DEPDC5: variants seen among roughly 807,000 people sequenced by gnomAD.
DEPDC5 encodes the protein DEP domain containing 5, GATOR1 subcomplex subunit.
DEPDC5 carries 73 observed loss-of-function variants against 217.3 expected under a neutral mutation model. The observed-to-expected ratio is 0.34, with a 90% confidence interval of 0.28 to 0.41. DEPDC5 has a LOEUF of 0.41. DEPDC5 is among the 10% of genes least tolerant of loss of function. The probability of loss-of-function intolerance (pLI) is 1.00; values close to 1 mark genes in which losing one functional copy is unlikely to be tolerated. For synonymous variants in DEPDC5, 733 were observed against 756.7 expected (o/e 0.97, Z 0.51); for missense variants, 1,675 against 2,070.1 (o/e 0.81, Z 3.70).
intron 7 of DEPDC5, among the ~76,000 whole-genome samples, chr22:31,770,923 C>T (rs1260062887): frequency 1.3e-5 from 2 of 151,662 alleles, no homozygotes; most frequent in East Asian, 1.9e-4. Flanking sequence ...TCCTGAACTA[C>T]AGGCACGTGC....
intron 7 of DEPDC5, among the ~76,000 whole-genome samples, chr22:31,774,262 C>T (rs1439623113): frequency 4.0e-5 from 6 of 149,210 alleles, no homozygotes; most frequent in Non-Finnish European, 8.9e-5. Context: ...AGTGCAGTGG[C>T]GTGATCTTGG....
intron 38 of DEPDC5, among the ~76,000 whole-genome samples, chr22:31,881,014 CAA>C (rs753086072): frequency 7.2e-5 from 8 of 110,976 alleles, no homozygotes; most frequent in Non-Finnish European, 1.1e-4. Context: ...GACTCCGTCT[CAA>C]AAAAAAAAAA....
At chr22:31,870,817 G>T in intron 34 of DEPDC5, 73 bp downstream of exon 34, 1 of 1,417,214 alleles carries the variant, frequency 7.1e-7, no homozygotes, top group South Asian at 1.7e-5. Flanking sequence ...TGCAGAGGCT[G>T]AAGTCCAAAG....
intron 27 of DEPDC5, among the ~76,000 whole-genome samples, chr22:31,840,844 A>C (rs1228271377): frequency 6.6e-6 from 1 of 152,266 alleles, no homozygotes; most frequent in African/African-American, 2.4e-5. Context: ...AGCAGGGAAC[A>C]GAACAGCATC....
intron 7 of DEPDC5, among the ~76,000 whole-genome samples, chr22:31,773,463 A>G (rs899397098): frequency 6.6e-6 from 1 of 152,120 alleles, no homozygotes; most frequent in Non-Finnish European, 1.5e-5. Context: ...TCAGCCCCCT[A>G]GAGTGCTGGG....
chr22:31,806,871 G>A (rs1453295081), intron 18 of DEPDC5, among the ~76,000 whole-genome samples: 1 of 152,130 alleles, frequency 6.6e-6, no homozygotes, highest in East Asian at 1.9e-4. Context: ...AATTAGCCAG[G>A]TGTATTGGCA....
At chr22:31,874,203 A>G in intron 35 of DEPDC5, 70 bp from the exon 36 acceptor site, 2 of 1,553,034 alleles carry the variant, frequency 1.3e-6, no homozygotes, top group African/African-American at 1.4e-5. Context: ...CTTCTTTTTC[A>G]TCTTTCCTTC....
At chr22:31,784,743 G>A in intron 9 of DEPDC5, 71 bp from the exon 10 acceptor site, 1 of 1,449,430 alleles carries the variant, frequency 6.9e-7, no homozygotes, top group South Asian at 1.2e-5. Context: ...GAAGAAATTA[G>A]AGAAGAAATT....
intron 22 of DEPDC5, among the ~76,000 whole-genome samples, chr22:31,821,064 T>C (rs2089648469): frequency 6.6e-6 from 1 of 152,252 alleles, no homozygotes; most frequent in South Asian, 2.1e-4. Context: ...TGTAATTTGT[T>C]TCCTACTCTG....
At chr22:31,904,197 G>T (rs1321476716) in intron 41 of DEPDC5, among the ~76,000 whole-genome samples, 1 of 151,964 alleles carries the variant, frequency 6.6e-6, no homozygotes, top group East Asian at 1.9e-4. Flanking sequence ...CCCCTAGGCT[G>T]TGACCTACAG....
At chr22:31,850,701 C>T (rs2091977505) in intron 31 of DEPDC5, among the ~76,000 whole-genome samples, 1 of 152,070 alleles carries the variant, frequency 6.6e-6, no homozygotes, top group East Asian at 1.9e-4. Context: ...GGCTTGAGCT[C>T]AGGAGTTCGA....
At chr22:31,865,020 T>A (rs2092648047) in intron 33 of DEPDC5, among the ~76,000 whole-genome samples, 1 of 141,146 alleles carries the variant, frequency 7.1e-6, no homozygotes, top group Non-Finnish European at 1.5e-5. Context: ...GAGACGGGGT[T>A]TTGCTATGTT....
At chr22:31,803,024 C>A (rs141474645) in intron 15 of DEPDC5, among the ~76,000 whole-genome samples, 186 bp downstream of exon 15, 28 of 152,222 alleles carry the variant, frequency 1.8e-4, no homozygotes, top group African/African-American at 4.3e-4. Flanking sequence ...TTGGGAAATG[C>A]TGGGTCATGC....
intron 3 of DEPDC5, among the ~76,000 whole-genome samples, chr22:31,759,988 C>G (rs1211788523): frequency 6.7e-6 from 1 of 150,370 alleles, no homozygotes; most frequent in Non-Finnish European, 1.5e-5. Flanking sequence ...CAGCCTCTTT[C>G]TGGTTTTAAA....
chr22:31,893,898 A>G, intron 39 of DEPDC5, 147 bp downstream of exon 39: 1 of 955,582 alleles, frequency 1.0e-6, no homozygotes, highest in Non-Finnish European at 1.4e-6. Flanking sequence ...TTTTTAAAAA[A>G]TTTAAACATA....
chr22:31,873,090 T>C, intron 34 of DEPDC5, 165 bp from the exon 35 acceptor site: 2 of 1,309,170 alleles, frequency 1.5e-6, no homozygotes, highest in Non-Finnish European at 2.1e-6. Context: ...AAACCCCCTA[T>C]GAGATAACCC....
chr22:31,836,822 C>T, intron 25 of DEPDC5, 150 bp from the exon 26 acceptor site: 2 of 678,262 alleles, frequency 2.9e-6, no homozygotes, highest in Non-Finnish European at 5.1e-6. Context: ...TCTCCCTCCC[C>T]TACCCTGTTT....
At position 31,792,725 on chromosome 22, in the gene DEPDC5, C is replaced by T. The variant is rs1204548178; in HGVS notation, c.695-20C>T. ...TTCTCTTCTCAGCCTGAACTACATA[C>T]TCCGTTTTCTCTATTTCAGATGAAT... On this transcript the variant is annotated intron_variant, in intron 11 of 42. Coordinates refer to ENST00000651528, the MANE Select transcript of DEPDC5 (RefSeq NM_001242896.3). 1.3e-6 allele frequency: 2 copies of T among 1,512,308 alleles called. No individual in the cohort carries two copies. Among genetic ancestry groups the T allele is most frequent in the East Asian group, 2.7e-5 (1 of 37,470 alleles). 93.7% of individuals were successfully genotyped at this position (1,512,308 alleles called of 1,614,324 possible). A position where few individuals can be genotyped will look rare whatever the true frequency, so the allele number is the denominator to read the frequency against.
intron 26 of DEPDC5, among the ~76,000 whole-genome samples, chr22:31,838,215 A>G (rs1249733402): frequency 6.6e-6 from 1 of 151,782 alleles, no homozygotes; most frequent in Non-Finnish European, 1.5e-5. Context: ...GCCTCTTTTC[A>G]CCTCTTTGAA....
Sources: allele counts gnomAD v4.1 joint callset (sites outside exome capture counted in the v4.1 genomes callset), GRCh38; gene constraint gnomAD v4.1.1; transcripts MANE v1.5; gene names NCBI Gene and HGNC (gene_info 2026-07-23, HGNC 2026-07-21).